TMEM132D: variants seen among roughly 807,000 people sequenced by gnomAD.
The protein encoded by TMEM132D is mature OL transmembrane protein.
Under a neutral mutation model 62.3 loss-of-function variants are expected in TMEM132D, and 21 were observed. The observed-to-expected ratio is 0.34, with a 90% CI of 0.24 to 0.49. TMEM132D has a LOEUF of 0.49. TMEM132D is among the 20% of genes least tolerant of loss of function. The pLI, the probability that TMEM132D is intolerant of heterozygous loss-of-function variation, is 0.99. For missense variants in TMEM132D, 1,346 were observed against 1,402.8 expected (o/e 0.96, Z 0.65); for synonymous variants, 621 against 575.6 (o/e 1.08, Z -1.13).
At position 129,847,745 on chromosome 12, in the gene TMEM132D, G is replaced by A. The variant is rs536474791; in HGVS notation, c.79+55516C>T. On this transcript the variant is annotated intron_variant, in intron 1 of 8. Coordinates refer to ENST00000422113, the MANE Select transcript of TMEM132D (RefSeq NM_133448.3). ...TGCTAGTCTCCTGGCTCAAGCCTTAGAGACTGGCAGCTTCCACTTCCTGTC... is the reference window on the plus strand; with the variant it reads ...TGCTAGTCTCCTGGCTCAAGCCTTAAAGACTGGCAGCTTCCACTTCCTGTC... 2.0e-5 allele frequency among the ~76,000 whole-genome samples: 3 copies of A among 152,200 alleles called. No homozygotes were observed. The South Asian group carries it at 6.2e-4, about 32-fold the overall frequency.
chr12:129,132,417 C>CA (rs149594538), intron 5 of TMEM132D, among the ~76,000 whole-genome samples: 1,731 of 152,114 alleles, frequency 0.011, 25 homozygotes, highest in African/African-American at 0.035. Context: ...TGTAAACAAA[C>CA]AAAAAAATAG....
chr12:129,400,101 C>T (rs1871575276), intron 3 of TMEM132D, among the ~76,000 whole-genome samples: 1 of 151,442 alleles, frequency 6.6e-6, no homozygotes, highest in Non-Finnish European at 1.5e-5. Flanking sequence ...TAGTATTTTC[C>T]AAGAATAGGT....
At chr12:129,405,516 G>A (rs1243792626) in intron 3 of TMEM132D, among the ~76,000 whole-genome samples, 2 of 152,154 alleles carry the variant, frequency 1.3e-5, no homozygotes, top group East Asian at 3.8e-4. Context: ...GCAGGCTGTG[G>A]GTCCCCGACA....
At chr12:129,797,580 C>T (rs67006865) in intron 1 of TMEM132D, among the ~76,000 whole-genome samples, 14,773 of 152,116 alleles carry the variant, frequency 0.097, 1,004 homozygotes, top group East Asian at 0.19. Context: ...CTGAAAGTCC[C>T]GGCTGTGACT....
chr12:129,750,420 A>C (rs1344991975), intron 1 of TMEM132D, among the ~76,000 whole-genome samples: 1 of 152,208 alleles, frequency 6.6e-6, no homozygotes, highest in Non-Finnish European at 1.5e-5. Flanking sequence ...GTTATTTTCT[A>C]ATCCTAGTGT....
At chr12:129,203,347 A>G (rs1045346810) in intron 5 of TMEM132D, among the ~76,000 whole-genome samples, 12 of 152,012 alleles carry the variant, frequency 7.9e-5, no homozygotes, top group African/African-American at 2.9e-4. Flanking sequence ...GCTCAATTAA[A>G]CTCTGTTAAA....
At chr12:129,411,651 A>AG (rs1871970766) in intron 3 of TMEM132D, among the ~76,000 whole-genome samples, 1 of 152,058 alleles carries the variant, frequency 6.6e-6, no homozygotes, top group African/African-American at 2.4e-5. Context: ...CCCCATGCCC[A>AG]GCCTAATTAT....
At chr12:129,799,655 C>T (rs1480492924) in intron 1 of TMEM132D, among the ~76,000 whole-genome samples, 2 of 152,108 alleles carry the variant, frequency 1.3e-5, no homozygotes, top group Non-Finnish European at 2.9e-5. Flanking sequence ...GCGCACTTCA[C>T]TTATTCTCAT....
chr12:129,513,947 C>T (rs1463058587), intron 3 of TMEM132D, among the ~76,000 whole-genome samples: 7 of 151,672 alleles, frequency 4.6e-5, no homozygotes. Context: ...GTGCCATTCT[C>T]CTGCCTCAGC....
At chr12:129,401,460 T>C (rs1341806872) in intron 3 of TMEM132D, among the ~76,000 whole-genome samples, 2 of 152,036 alleles carry the variant, frequency 1.3e-5, no homozygotes, top group Non-Finnish European at 2.9e-5. Context: ...TCCCAGCTAC[T>C]TGGGAGGCCA....
chr12:129,669,994 T>C (rs984983812), intron 2 of TMEM132D, among the ~76,000 whole-genome samples: 10 of 152,176 alleles, frequency 6.6e-5, no homozygotes, highest in African/African-American at 2.4e-4. Flanking sequence ...CTATGTCCCC[T>C]GTCGACTGGA....
intron 3 of TMEM132D, among the ~76,000 whole-genome samples, chr12:129,514,050 A>G (rs889481986): frequency 2.0e-5 from 3 of 150,600 alleles, no homozygotes; most frequent in Non-Finnish European, 3.0e-5. Flanking sequence ...TGTGTCAGCC[A>G]GGATGGTCTC....
At chr12:129,571,970 A>C (rs1342653190) in intron 2 of TMEM132D, among the ~76,000 whole-genome samples, 1 of 152,216 alleles carries the variant, frequency 6.6e-6, no homozygotes, top group African/African-American at 2.4e-5. Context: ...TGCTACACGC[A>C]CCATGAAAAG....
chr12:129,569,666 C>A (rs986378414), intron 2 of TMEM132D, among the ~76,000 whole-genome samples: 1 of 152,134 alleles, frequency 6.6e-6, no homozygotes, highest in Non-Finnish European at 1.5e-5. Context: ...GGTTACACAG[C>A]GTGCCGATTT....
Position 129,081,718 on chromosome 12 carries a change from C to A in TMEM132D, c.1923+41G>T, listed in dbSNP as rs1874451487. ...TCTAGGTAGAGCAGAGGTGGGAAGA[C>A]AGAGAGATCTTGATTTGGGGATTTT... On this transcript the variant is annotated intron_variant, in intron 7 of 8. Coordinates refer to ENST00000422113, the MANE Select transcript of TMEM132D (RefSeq NM_133448.3). 3 of 1,538,630 alleles carry A rather than the reference C, an allele frequency of 1.9e-6. No homozygotes were observed. In the African/African-American group the frequency reaches 4.2e-5, roughly 21 times the overall value.
intron 3 of TMEM132D, among the ~76,000 whole-genome samples, chr12:129,352,674 T>C (rs1375619024): frequency 6.6e-6 from 1 of 152,202 alleles, no homozygotes; most frequent in Non-Finnish European, 1.5e-5. Context: ...TCATCATCAC[T>C]GATCATTAGA....
At chr12:129,401,541 C>A (rs933609741) in intron 3 of TMEM132D, among the ~76,000 whole-genome samples, 1 of 151,946 alleles carries the variant, frequency 6.6e-6, no homozygotes, top group Non-Finnish European at 1.5e-5. Flanking sequence ...TGCACTCCAG[C>A]CTGGGTGACA....
rs145323602 is a variant in TMEM132D at position 129,583,056 on chromosome 12, C to G, written c.969-51851G>C. Reference sequence around the variant, plus strand: ...ATCTCCTGACTTTGTGATCTGCCCACCTCAGCCTCCCAAAGTGCTGGGATT... The same window carrying G: ...ATCTCCTGACTTTGTGATCTGCCCAGCTCAGCCTCCCAAAGTGCTGGGATT... On this transcript the variant is annotated intron_variant, in intron 2 of 8. Transcript: ENST00000422113. Among the ~76,000 whole-genome samples the G allele has an allele frequency of 4.2e-3, 634 of 152,338 alleles. 4 individuals are homozygous for G. The highest frequency in any genetic ancestry group is 0.014 in the African/African-American group (585 of 41,574).
intron 5 of TMEM132D, among the ~76,000 whole-genome samples, chr12:129,178,355 C>T (rs970477377): frequency 2.6e-5 from 4 of 151,986 alleles, no homozygotes; most frequent in Admixed American, 2.6e-4. Context: ...GCACTGTCTT[C>T]CACTATGGTT....
Sources: gnomAD v4.1 joint callset for allele counts (sites outside exome capture counted in the v4.1 genomes callset) on GRCh38, gnomAD v4.1.1 for gene constraint, MANE v1.5 for transcripts, NCBI Gene and HGNC (gene_info 2026-07-23, HGNC 2026-07-21) for gene names.